ACSBG2: variants seen among roughly 807,000 people sequenced by gnomAD.
ACSBG2 encodes the protein acyl-CoA synthetase bubblegum family member 2, also known as long-chain-fatty-acid--CoA ligase ACSBG2.
In ACSBG2, 62 loss-of-function variants were observed where a neutral mutation model predicts 74.7. The ratio of observed to expected loss-of-function variants is 0.83; its 90% CI spans 0.68 to 1.03. The LOEUF (loss-of-function observed/expected upper bound fraction) is 1.03, where lower values mean the gene tolerates loss of function less well. Ranked by LOEUF, ACSBG2 falls within the 50% of genes least tolerant of loss-of-function variation. ACSBG2 has a pLI of 0.00. For missense variants in ACSBG2, 730 were observed against 817.6 expected, an observed-to-expected ratio of 0.89 and a Z score of 1.31; for synonymous variants, 309 against 294.1, an observed-to-expected ratio of 1.05 and a Z score of -0.52.
chr19:6,138,118 C>T (rs748540316), intron 1 of ACSBG2, among the ~76,000 whole-genome samples: 4 of 152,178 alleles, frequency 2.6e-5, no homozygotes, highest in Non-Finnish European at 5.9e-5. Flanking sequence ...AAAGCAAGCA[C>T]CAGACAGTGT....
intron 6 of ACSBG2, 85 bp downstream of exon 6, chr19:6,161,380 G>C: frequency 7.5e-7 from 1 of 1,333,664 alleles, no homozygotes; most frequent in Non-Finnish European, 1.1e-6. Flanking sequence ...AAGGTGAGCA[G>C]AGGGAGGAGG....
At chr19:6,141,470 C>A in intron 1 of ACSBG2, 43 bp from the exon 2 acceptor site, 1 of 975,504 alleles carries the variant, frequency 1.0e-6, no homozygotes, top group Non-Finnish European at 1.7e-6. Context: ...CCCTACAGCC[C>A]CTTTGCCAAT....
At chr19:6,148,526 G>A (rs189657867) in intron 3 of ACSBG2, among the ~76,000 whole-genome samples, 69 of 152,108 alleles carry the variant, frequency 4.5e-4, no homozygotes, top group African/African-American at 1.5e-3. Context: ...CATGCCTGTA[G>A]TCCCAGCTAT....
chr19:6,140,455 G>A (rs561427446), intron 1 of ACSBG2, among the ~76,000 whole-genome samples: 12 of 152,264 alleles, frequency 7.9e-5, no homozygotes, highest in South Asian at 2.1e-4. Flanking sequence ...TGAGGCGGGC[G>A]GATCACTTGA....
At chr19:6,176,174 G>C in intron 7 of ACSBG2, 1 of 609,922 alleles carries the variant, frequency 1.6e-6, no homozygotes. Context: ...GTTAGACCTA[G>C]GGCTTTACCC....
intron 14 of ACSBG2, 136 bp downstream of exon 14, chr19:6,190,828 C>CACAT (rs1361990669): frequency 2.5e-5 from 14 of 552,708 alleles, no homozygotes; most frequent in Admixed American, 1.8e-4. Context: ...CACACACACA[C>CACAT]ACACACACAC....
chr19:6,191,690 A>G (rs916668003), intron 14 of ACSBG2: 1 of 152,162 alleles, frequency 6.6e-6, no homozygotes. Flanking sequence ...TAGTTTCCAA[A>G]TAAGTTACAC....
intron 7 of ACSBG2, among the ~76,000 whole-genome samples, chr19:6,167,809 G>A (rs1170491121): frequency 2.6e-5 from 4 of 152,132 alleles, no homozygotes; most frequent in East Asian, 3.8e-4. Context: ...AATAAATCAC[G>A]GGAGTACAAA....
chr19:6,156,998 G>A (rs2089448209), intron 5 of ACSBG2, among the ~76,000 whole-genome samples: 1 of 151,782 alleles, frequency 6.6e-6, no homozygotes, highest in South Asian at 2.1e-4. Flanking sequence ...CCAAGCTGGA[G>A]TGCAGTGGGC....
chr19:6,172,095 T>C (rs1295347546), intron 7 of ACSBG2, among the ~76,000 whole-genome samples: 1 of 152,170 alleles, frequency 6.6e-6, no homozygotes, highest in Non-Finnish European at 1.5e-5. Context: ...ATTGAAGTGT[T>C]CTTCTAGTTT....
intron 6 of ACSBG2, among the ~76,000 whole-genome samples, chr19:6,165,195 A>G (rs1215950938): frequency 6.6e-6 from 1 of 152,034 alleles, no homozygotes; most frequent in African/African-American, 2.4e-5. Context: ...TCCTTTCTCT[A>G]TTTCTTGGCT....
At chr19:6,179,904 C>T (rs958012320) in intron 8 of ACSBG2, among the ~76,000 whole-genome samples, 9 of 152,046 alleles carry the variant, frequency 5.9e-5, no homozygotes, top group South Asian at 2.1e-4. Context: ...TAAGCAAGCG[C>T]GCCTGGTCCA....
rs2090034510 is a variant in ACSBG2, at chr19:6,174,092, A to G, written c.739-3137A>G. Reference sequence around the variant, plus strand: ...GCAGGGATTACAGACGTGTGCCAACACACCCATCTAATTTTTGTATTATTA... The same window carrying G: ...GCAGGGATTACAGACGTGTGCCAACGCACCCATCTAATTTTTGTATTATTA... On this transcript the variant is annotated intron_variant, in intron 7 of 14. Transcript: ENST00000588485. This position sits in a 1 kb window ranked among gnomAD's most constrained non-coding sequence, Gnocchi z 4.2. Among the ~76,000 whole-genome samples, 1 of 152,130 alleles carries G rather than the reference A, an allele frequency of 6.6e-6. No individual in the cohort carries two copies. The highest frequency in any genetic ancestry group is 1.5e-5 in the Non-Finnish European group (1 of 68,024).
intron 3 of ACSBG2, among the ~76,000 whole-genome samples, chr19:6,149,244 C>T (rs2089149346): frequency 6.6e-6 from 1 of 152,132 alleles, no homozygotes; most frequent in African/African-American, 2.4e-5. Flanking sequence ...ACAATAAAGC[C>T]AGCCTTTTGG....
chr19:6,174,398 C>A lies in ACSBG2; in HGVS notation c.739-2831C>A, dbSNP rs2090040704. On this transcript the variant is annotated intron_variant, in intron 7 of 14. Coordinates refer to ENST00000588485, the MANE Select transcript of ACSBG2 (RefSeq NM_030924.5). This position sits in a 1 kb window ranked among gnomAD's most constrained non-coding sequence, Gnocchi z 4.2. ...GTCTCAAAGGAAAGAGAAACAAATT[C>A]CACCTCAGAATGGGAGGAGTAGCAG... Among the ~76,000 whole-genome samples, 1 of 152,158 alleles carries A rather than the reference C, an allele frequency of 6.6e-6. No homozygotes were observed. The highest frequency in any genetic ancestry group is 2.1e-4 in the South Asian group (1 of 4,828).
At chr19:6,141,331 G>A (rs553932430) in intron 1 of ACSBG2, among the ~76,000 whole-genome samples, 182 bp from the exon 2 acceptor site, 1 of 151,928 alleles carries the variant, frequency 6.6e-6, no homozygotes, top group African/African-American at 2.4e-5. Flanking sequence ...ATACCCTCTG[G>A]GTTTTACAAA....
intron 3 of ACSBG2, among the ~76,000 whole-genome samples, chr19:6,151,152 T>G (rs573964342): frequency 2.7e-5 from 4 of 150,144 alleles, no homozygotes; most frequent in African/African-American, 9.8e-5. Flanking sequence ...ATCCATGTTA[T>G]AGATATTTTA....
chr19:6,175,453 A>G (rs1402863476), intron 7 of ACSBG2: 1 of 152,240 alleles, frequency 6.6e-6, no homozygotes, highest in African/African-American at 2.4e-5. Flanking sequence ...TAGGCAGTCA[A>G]TGGCACTTTC....
In ACSBG2 at chr19:6,185,459, G is replaced by T; in HGVS notation, c.1346G>T (p.Cys449Phe). The T allele has an allele frequency of 1.2e-6, 2 of 1,614,186 alleles. No homozygotes were observed. The highest frequency in any genetic ancestry group is 1.7e-6 in the Non-Finnish European group (2 of 1,180,038). ...LLSCGKILTG[C>F]KNMLFQQNKD... ...AGCTGTGGCAAGATCTTGACTGGGT[G>T]TAAGAATATGCTGTTCCAGCAGAAC... Residue 449 changes from cysteine (C) to phenylalanine (F), a missense_variant, in exon 11 of 15, where the codon TGT (cysteine) becomes TTT (phenylalanine). Physicochemically the swap from Cys to Phe is radical, Grantham distance 205 (BLOSUM62 -2). Transcript: ENST00000588485.
Sources: allele counts gnomAD v4.1 joint callset (sites outside exome capture counted in the v4.1 genomes callset), GRCh38; gene constraint gnomAD v4.1.1; non-coding constraint Gnocchi (gnomAD v3.1); transcripts MANE v1.5; gene names NCBI Gene and HGNC (gene_info 2026-07-23, HGNC 2026-07-21).